Variants in THADA observed in about 807,000 individuals in gnomAD.
THADA encodes the protein THADA armadillo repeat containing.
THADA carries 213 observed loss-of-function variants against 219.8 expected under a neutral mutation model. The observed-to-expected ratio is 0.97, with a 90% CI of 0.87 to 1.09. The LOEUF is 1.09. Ranked by LOEUF, THADA falls within the 50% of genes least tolerant of loss-of-function variation. The pLI is 0.00. For synonymous variants in THADA, 1,018 were observed against 828.9 expected (o/e 1.23, Z -3.92); for missense variants, 2,956 against 2,311.3 (o/e 1.28, Z -5.72).
intron 29 of THADA, chr2:43,370,057 C>T (rs1255772602): frequency 6.6e-6 from 1 of 152,194 alleles, no homozygotes; most frequent in Non-Finnish European, 1.5e-5. Context: ...TCAATGAAAA[C>T]CTTACTGATT....
chr2:43,445,802 T>C (rs1299633768), intron 26 of THADA, among the ~76,000 whole-genome samples: 1 of 152,232 alleles, frequency 6.6e-6, no homozygotes, highest in Non-Finnish European at 1.5e-5. Context: ...GCCTCCTAAG[T>C]AGCTGAGACT....
intron 28 of THADA, among the ~76,000 whole-genome samples, chr2:43,406,137 G>C (rs1203548222): frequency 1.3e-5 from 2 of 152,198 alleles, no homozygotes; most frequent in African/African-American, 4.8e-5. Flanking sequence ...AATAGGCACA[G>C]CACTCAGCAA....
At chr2:43,527,549 T>C (rs1349371968) in intron 22 of THADA, among the ~76,000 whole-genome samples, 1 of 152,130 alleles carries the variant, frequency 6.6e-6, no homozygotes. Flanking sequence ...CCTGTTTTAT[T>C]CCAAACACCA....
At chr2:43,488,194 T>C (rs576730473) in intron 25 of THADA, among the ~76,000 whole-genome samples, 1 of 152,342 alleles carries the variant, frequency 6.6e-6, no homozygotes, top group South Asian at 2.1e-4. Context: ...AATTGAGGTA[T>C]AATTCACATA....
At chr2:43,345,462 C>T (rs1198155035) in intron 29 of THADA, among the ~76,000 whole-genome samples, 2 of 152,204 alleles carry the variant, frequency 1.3e-5, no homozygotes, top group South Asian at 2.1e-4. Context: ...GCACACAAGT[C>T]CCAATGTGGA....
At chr2:43,231,820 A>G (rs1231286077) in intron 37 of THADA, among the ~76,000 whole-genome samples, 1 of 152,170 alleles carries the variant, frequency 6.6e-6, no homozygotes, top group Admixed American at 6.5e-5. Context: ...TTTGTCAGAC[A>G]CTTACCATGT....
At chr2:43,352,318 G>A (rs1668364905) in intron 29 of THADA, among the ~76,000 whole-genome samples, 1 of 152,176 alleles carries the variant, frequency 6.6e-6, no homozygotes, top group Non-Finnish European at 1.5e-5. Context: ...AGCACTTTGG[G>A]AGGCCGAGGT....
chr2:43,578,333 G>C (rs1700072711), intron 9 of THADA, among the ~76,000 whole-genome samples, 180 bp downstream of exon 9: 1 of 148,530 alleles, frequency 6.7e-6, no homozygotes, highest in Non-Finnish European at 1.5e-5. Flanking sequence ...TTTTTGTAGA[G>C]ACAAGGTCTA....
At chr2:43,588,195 T>C (rs1257767654) in intron 4 of THADA, among the ~76,000 whole-genome samples, 1 of 152,092 alleles carries the variant, frequency 6.6e-6, no homozygotes, top group South Asian at 2.1e-4. Context: ...ATTCAACAGT[T>C]TGGGTAAGTG....
intron 25 of THADA, among the ~76,000 whole-genome samples, chr2:43,489,481 C>A (rs189118801): frequency 2.0e-5 from 3 of 152,202 alleles, no homozygotes; most frequent in African/African-American, 7.2e-5. Flanking sequence ...CAAAAATTTA[C>A]CCAGGTCCTC....
intron 10 of THADA, 83 bp downstream of exon 10, chr2:43,576,939 A>G: frequency 7.8e-7 from 1 of 1,277,292 alleles, no homozygotes; most frequent in Non-Finnish European, 1.1e-6. Flanking sequence ...GATTAGAGGC[A>G]CAAGCCACTC....
intron 4 of THADA, 45 bp downstream of exon 4, chr2:43,590,779 A>T (rs774657543): frequency 6.3e-7 from 1 of 1,598,930 alleles, no homozygotes; most frequent in Non-Finnish European, 8.5e-7. Flanking sequence ...CTTTTGGTCA[A>T]ATTCAACATT....
At chr2:43,466,178 A>AC (rs1436745795) in intron 26 of THADA, among the ~76,000 whole-genome samples, 1 of 152,228 alleles carries the variant, frequency 6.6e-6, no homozygotes, top group Non-Finnish European at 1.5e-5. Flanking sequence ...TTCAATGGAT[A>AC]TTCTATTAAA....
chr2:43,528,851 A>T (rs1693512188), intron 21 of THADA, among the ~76,000 whole-genome samples: 1 of 152,090 alleles, frequency 6.6e-6, no homozygotes. Context: ...AACCCTTTTT[A>T]AATGTACAAT....
chr2:43,241,742 G>C (rs1287109381), intron 36 of THADA, among the ~76,000 whole-genome samples: 1 of 152,068 alleles, frequency 6.6e-6, no homozygotes, highest in Non-Finnish European at 1.5e-5. Flanking sequence ...GAAGGCGGAT[G>C]CTTCCAGCCT....
chr2:43,357,544 G>C (rs1669004162), intron 29 of THADA, among the ~76,000 whole-genome samples: 1 of 152,208 alleles, frequency 6.6e-6, no homozygotes, highest in Admixed American at 6.5e-5. Flanking sequence ...CAGACAAACA[G>C]ATATGAGCAA....
chr2:43,587,647 T>G (rs1273802554), intron 4 of THADA, among the ~76,000 whole-genome samples: 2 of 152,222 alleles, frequency 1.3e-5, no homozygotes, highest in African/African-American at 4.8e-5. Context: ...ATATTTTAAA[T>G]TGTAACCCTC....
At chr2:43,334,880 G>C (rs975977713) in intron 30 of THADA, among the ~76,000 whole-genome samples, 2 of 152,228 alleles carry the variant, frequency 1.3e-5, no homozygotes, top group Non-Finnish European at 2.9e-5. Flanking sequence ...GAGAGCCCTG[G>C]GGCCATGAAG....
chr2:43,578,910 C>A (rs1559013508), intron 8 of THADA, among the ~76,000 whole-genome samples: 1 of 152,188 alleles, frequency 6.6e-6, no homozygotes, highest in Non-Finnish European at 1.5e-5. Flanking sequence ...CAGCTCACTG[C>A]AACCTCTACT....
Sources: gnomAD v4.1 joint callset for allele counts (sites outside exome capture counted in the v4.1 genomes callset) on GRCh38, gnomAD v4.1.1 for gene constraint, MANE v1.5 for transcripts, NCBI Gene and HGNC (gene_info 2026-07-23, HGNC 2026-07-21) for gene names.